The following HTR4 variants were observed in gnomAD, a reference collection of about 807,000 sequenced individuals.
HTR4 encodes the protein 5-hydroxytryptamine (serotonin) receptor 4, G protein-coupled.
A neutral mutation model predicts 36.8 loss-of-function variants in HTR4; 16 were observed. The observed-to-expected ratio is 0.43, with a 90% CI of 0.29 to 0.66. The LOEUF (loss-of-function observed/expected upper bound fraction) is 0.66. HTR4 is among the 30% of genes least tolerant of loss of function. The pLI is 0.13. For missense variants in HTR4, 438 were observed against 490.9 expected, an observed-to-expected ratio of 0.89 and a Z score of 1.02; for synonymous variants, 189 against 185.1, an observed-to-expected ratio of 1.02 and a Z score of -0.17.
chr5:148,641,571 C>G (rs528627547), intron 1 of HTR4, among the ~76,000 whole-genome samples: 40 of 152,324 alleles, frequency 2.6e-4, no homozygotes, highest in African/African-American at 9.4e-4. Context: ...TGGAATTACT[C>G]AAAACATTTT....
At chr5:148,507,173 A>C (rs1581397157) in intron 6 of HTR4, among the ~76,000 whole-genome samples, 1 of 152,048 alleles carries the variant, frequency 6.6e-6, no homozygotes, top group South Asian at 2.1e-4. Context: ...GCACATATGC[A>C]CCATGGAATA....
At chr5:148,506,105 G>A (rs1298730765) in intron 6 of HTR4, among the ~76,000 whole-genome samples, 3 of 152,132 alleles carry the variant, frequency 2.0e-5, no homozygotes, top group Admixed American at 6.5e-5. Context: ...GAGGCATCAT[G>A]CTACCTGACT....
At chr5:148,563,924 A>C (rs1016909566) in intron 2 of HTR4, among the ~76,000 whole-genome samples, 23 of 140,710 alleles carry the variant, frequency 1.6e-4, no homozygotes, top group African/African-American at 7.1e-4. Context: ...TGTGGAATGA[A>C]TGACTGACTG....
At chr5:148,520,937 G>T in intron 5 of HTR4, 3 of 1,367,758 alleles carry the variant, frequency 2.2e-6, no homozygotes, top group South Asian at 2.3e-5. Flanking sequence ...GAAAATCCTG[G>T]CCCAGGCCTT....
chr5:148,564,895 A>G (rs1039769433), intron 2 of HTR4, among the ~76,000 whole-genome samples: 1 of 152,070 alleles, frequency 6.6e-6, no homozygotes, highest in Admixed American at 6.6e-5. Context: ...GTGGATCATA[A>G]GGTCAGGAGT....
exon 6 of HTR4, chr5:148,451,205 A>C (rs1178979877): frequency 5.0e-6 from 8 of 1,613,760 alleles, no homozygotes; most frequent in Non-Finnish European, 6.8e-6. Flanking sequence ...GATTCCAGGG[A>C]TTCTGGGTCA....
At chr5:148,605,241 C>A (rs1251290784) in intron 2 of HTR4, among the ~76,000 whole-genome samples, 5 of 132,058 alleles carry the variant, frequency 3.8e-5, no homozygotes, top group Admixed American at 8.0e-5. Flanking sequence ...ATTGCATTTT[C>A]TTTTCTTTTC....
chr5:148,585,048 G>C (rs1299502618), intron 2 of HTR4, among the ~76,000 whole-genome samples: 1 of 152,198 alleles, frequency 6.6e-6, no homozygotes, highest in African/African-American at 2.4e-5. Flanking sequence ...GGGAGTGACA[G>C]ACTTGGGTGT....
At chr5:148,457,462 G>A (rs1755127358) in intron 5 of HTR4, among the ~76,000 whole-genome samples, 1 of 151,704 alleles carries the variant, frequency 6.6e-6, no homozygotes, top group Non-Finnish European at 1.5e-5. Flanking sequence ...GCCTGGATGT[G>A]GTAATTAGTA....
At chr5:148,492,413 A>G (rs1357618233) in intron 6 of HTR4, among the ~76,000 whole-genome samples, 1 of 152,222 alleles carries the variant, frequency 6.6e-6, no homozygotes, top group African/African-American at 2.4e-5. Context: ...GTTTATAAAC[A>G]GTGTGATTAA....
intron 2 of HTR4, among the ~76,000 whole-genome samples, chr5:148,603,265 C>T (rs1212620620): frequency 6.6e-6 from 1 of 151,904 alleles, no homozygotes; most frequent in African/African-American, 2.4e-5. Context: ...ATGCAATTCT[C>T]CATGTTAATA....
chr5:148,513,481 T>C (rs1757591772), intron 5 of HTR4, among the ~76,000 whole-genome samples: 1 of 152,220 alleles, frequency 6.6e-6, no homozygotes, highest in African/African-American at 2.4e-5. Flanking sequence ...TTGGATTTCC[T>C]ATTTGTTCTC....
At chr5:148,490,777 A>G (rs1293016976) in intron 6 of HTR4, 1 of 1,126,170 alleles carries the variant, frequency 8.9e-7, no homozygotes, top group Non-Finnish European at 1.2e-6. Flanking sequence ...TATAACCTCA[A>G]TCCTTTGTTT....
rs141048639 is a variant in HTR4, at chr5:148,604,936, G to A, written c.26+32053C>T. Among the ~76,000 whole-genome samples, 239 of 152,296 alleles carry A rather than the reference G, an allele frequency of 1.6e-3. 3 individuals are homozygous for A. Among genetic ancestry groups the A allele is most frequent in the African/African-American group, 5.5e-3 (227 of 41,562 alleles). On this transcript the variant is annotated intron_variant, in intron 2 of 6. Coordinates refer to ENST00000377888, the MANE Select transcript of HTR4 (RefSeq NM_000870.7). ...TGGACCAGTGGGGTAGGAACACAGT[G>A]GAGAAGATGGCTGGCTACCTATATA...
intron 5 of HTR4, among the ~76,000 whole-genome samples, chr5:148,457,179 G>T (rs1329125841): frequency 6.6e-6 from 1 of 151,996 alleles, no homozygotes; most frequent in Non-Finnish European, 1.5e-5. Context: ...AAGTCTCCCT[G>T]TTCCATTTGG....
At position 148,523,296 on chromosome 5, in the gene HTR4, G is replaced by A; in HGVS notation, c.404C>T (p.Pro135Leu). Residue 135 changes from proline (P) to leucine (L), a missense_variant, in exon 5 of 7, where the codon CCT (proline) becomes CTT (leucine). Pro to Leu is a moderately conservative substitution (Grantham distance 98, BLOSUM62 -3). Coordinates refer to ENST00000377888, the MANE Select transcript of HTR4 (RefSeq NM_000870.7). ...QPLVYRNKMT[P>L]LRIALMLGGC... ...TCCCAGCATTAATGCGATGCGCAGA[G>A]GGGTCATCTTGTTCCTATAGACCAA... The A allele has an allele frequency of 6.2e-7, 1 of 1,613,240 alleles. No homozygotes were observed. The highest frequency in any genetic ancestry group is 2.2e-5 in the East Asian group (1 of 44,790).
chr5:148,634,398 A>T (rs1753451269), intron 2 of HTR4, among the ~76,000 whole-genome samples: 2 of 152,214 alleles, frequency 1.3e-5, no homozygotes. Context: ...ATAAAATATC[A>T]TATAAAAGAA....
intron 2 of HTR4, among the ~76,000 whole-genome samples, chr5:148,621,540 C>T (rs943499978): frequency 6.6e-5 from 10 of 152,284 alleles, no homozygotes; most frequent in East Asian, 3.9e-4. Flanking sequence ...CCAATTCTAA[C>T]GACTGTTTTG....
At chr5:148,615,235 G>A (rs1456803308) in intron 2 of HTR4, among the ~76,000 whole-genome samples, 1 of 152,140 alleles carries the variant, frequency 6.6e-6, no homozygotes, top group Admixed American at 6.5e-5. Context: ...GCACACGTAT[G>A]TTTATTGCAG....
Sources: gnomAD v4.1 joint callset for allele counts (sites outside exome capture counted in the v4.1 genomes callset) on GRCh38, gnomAD v4.1.1 for gene constraint, MANE v1.5 for transcripts, NCBI Gene and HGNC (gene_info 2026-07-23, HGNC 2026-07-21) for gene names.